Variants in IGF1R observed in about 807,000 individuals in gnomAD.
The protein encoded by IGF1R is insulin like growth factor 1 receptor.
A neutral mutation model predicts 144.6 loss-of-function variants in IGF1R; 44 were observed. The ratio of observed to expected loss-of-function variants is 0.30; its 90% confidence interval spans 0.24 to 0.39. IGF1R has a LOEUF of 0.39. Ranked by LOEUF, IGF1R falls within the 10% of genes least tolerant of loss-of-function variation. IGF1R has a pLI of 1.00. For synonymous variants in IGF1R, 795 were observed against 722.8 expected (o/e 1.10, Z -1.60); for missense variants, 1,355 against 1,833.7 (o/e 0.74, Z 4.77).
At chr15:98,812,210 G>A (rs1036999645) in intron 2 of IGF1R, among the ~76,000 whole-genome samples, 5 of 152,158 alleles carry the variant, frequency 3.3e-5, no homozygotes, top group African/African-American at 1.2e-4. Context: ...GGATGCGGCT[G>A]AAGATTGTGT....
chr15:98,671,484 C>G (rs2052890083), intron 1 of IGF1R, among the ~76,000 whole-genome samples: 2 of 152,230 alleles, frequency 1.3e-5, no homozygotes, highest in South Asian at 2.1e-4. Context: ...ATTATAGGGG[C>G]AAGATTTGTG....
intron 2 of IGF1R, among the ~76,000 whole-genome samples, chr15:98,764,226 T>C (rs1176044413): frequency 6.6e-6 from 1 of 152,254 alleles, no homozygotes; most frequent in East Asian, 1.9e-4. Context: ...GATATAACTT[T>C]TCTCCTTATT....
rs1309750954 is a variant in IGF1R at position 98,944,276 on chromosome 15, A to G, written c.3587+1224A>G. ...CATATCTCTCGGGCAAATTTTACCC[A>G]AATTCTGACGAGCAGTTACTGCACA... is the stretch of plus-strand genomic sequence containing the variant. On this transcript the variant is annotated intron_variant, in intron 19 of 20. Coordinates refer to ENST00000650285, the MANE Select transcript of IGF1R (RefSeq NM_000875.5). 2.6e-5 allele frequency among the ~76,000 whole-genome samples: 4 copies of G among 152,236 alleles called. No homozygotes were observed. The East Asian group carries it at 7.7e-4, about 29-fold the overall frequency.
chr15:98,947,979 A>G (rs1324061891), intron 19 of IGF1R, among the ~76,000 whole-genome samples: 1 of 152,048 alleles, frequency 6.6e-6, no homozygotes, highest in African/African-American at 2.4e-5. Flanking sequence ...GACCAATCAA[A>G]TCAGAGTTTC....
At chr15:98,924,047 C>G (rs1385570218) in intron 12 of IGF1R, 35 bp downstream of exon 12, 1 of 1,603,842 alleles carries the variant, frequency 6.2e-7, no homozygotes, top group Non-Finnish European at 8.5e-7. Flanking sequence ...CCTGCATGTA[C>G]TTCCATCCAT....
chr15:98,674,240 A>G (rs1258317402), intron 1 of IGF1R, among the ~76,000 whole-genome samples: 4 of 152,244 alleles, frequency 2.6e-5, no homozygotes, highest in Non-Finnish European at 5.9e-5. Context: ...TACAGTGGTC[A>G]TGATGGCTTT....
rs535845387 is a variant in IGF1R, at chr15:98,711,378, C to T, written c.640+3271C>T. Among the ~76,000 whole-genome samples, 56 of 152,208 alleles carry T rather than the reference C, an allele frequency of 3.7e-4. 1 individual carries two copies. The highest frequency in any genetic ancestry group is 2.5e-4 in the Non-Finnish European group (17 of 68,024). ...CCTACTCGATTTTGTCGTGCTGTTGCGCGGTTTTCACTTGGCACTGTCCTT... is the reference window on the plus strand; with the variant it reads ...CCTACTCGATTTTGTCGTGCTGTTGTGCGGTTTTCACTTGGCACTGTCCTT... On this transcript the variant is annotated intron_variant, in intron 2 of 20. Coordinates refer to ENST00000650285, the MANE Select transcript of IGF1R (RefSeq NM_000875.5).
At chr15:98,678,083 T>G (rs2053093229) in intron 1 of IGF1R, among the ~76,000 whole-genome samples, 1 of 152,214 alleles carries the variant, frequency 6.6e-6, no homozygotes, top group Admixed American at 6.5e-5. Flanking sequence ...GGGTGATTTA[T>G]TAAGGATGGG....
chr15:98,824,836 C>T (rs2056863125), intron 2 of IGF1R, among the ~76,000 whole-genome samples: 1 of 150,934 alleles, frequency 6.6e-6, no homozygotes, highest in South Asian at 2.1e-4. Flanking sequence ...TTTAACTTTT[C>T]TTCTTCTTTT....
intron 5 of IGF1R, among the ~76,000 whole-genome samples, chr15:98,905,524 C>T (rs924218087): frequency 6.6e-6 from 1 of 151,504 alleles, no homozygotes; most frequent in Non-Finnish European, 1.5e-5. Flanking sequence ...ATTAACCAAG[C>T]ATGGTGGGGC....
chr15:98,905,210 C>T (rs938178865), intron 5 of IGF1R, among the ~76,000 whole-genome samples: 1 of 152,258 alleles, frequency 6.6e-6, no homozygotes, highest in Non-Finnish European at 1.5e-5. Context: ...AGGAAGATAA[C>T]CAACTGTTCC....
chr15:98,892,150 T>C (rs41440750), intron 3 of IGF1R, among the ~76,000 whole-genome samples: 3,059 of 152,276 alleles, frequency 0.02, 94 homozygotes, highest in African/African-American at 0.064. Flanking sequence ...GGGACATTTT[T>C]CCATCAGCAC....
At chr15:98,693,709 G>A (rs2053533339) in intron 1 of IGF1R, among the ~76,000 whole-genome samples, 1 of 152,232 alleles carries the variant, frequency 6.6e-6, no homozygotes, top group Non-Finnish European at 1.5e-5. Context: ...GGGTTCAAGT[G>A]ATTCTTGTGC....
intron 1 of IGF1R, among the ~76,000 whole-genome samples, chr15:98,699,956 CTG>C (rs1470140796): frequency 2.0e-5 from 3 of 152,138 alleles, no homozygotes; most frequent in African/African-American, 7.2e-5. Flanking sequence ...GGATTGCTGT[CTG>C]TGTGAAATGG....
Position 98,934,705 on chromosome 15 carries a change from G to A in IGF1R, c.2957-119G>A. 6 of 833,162 alleles carry A rather than the reference G, an allele frequency of 7.2e-6. 1 individual carries two copies. Among genetic ancestry groups the A allele is most frequent in the Non-Finnish European group, 1.0e-5 (5 of 491,242 alleles). The allele number at this position is 833,162 out of a possible 1,614,324, so 51.6% of individuals were successfully genotyped here. ...CATCAAGCCATGCCATCGCCTCCTG[G>A]TATTCTCTGTGGGTTTAAGGAAGCA... On this transcript the variant is annotated intron_variant, in intron 15 of 20. Transcript: ENST00000650285.
chr15:98,941,346 G>A (rs2715420), intron 18 of IGF1R, among the ~76,000 whole-genome samples: 11 of 152,200 alleles, frequency 7.2e-5, no homozygotes, highest in South Asian at 2.1e-4. Context: ...CCCACTGCGC[G>A]TCACCCTGGG....
At chr15:98,675,332 T>C (rs756975706) in intron 1 of IGF1R, among the ~76,000 whole-genome samples, 1 of 152,190 alleles carries the variant, frequency 6.6e-6, no homozygotes, top group African/African-American at 2.4e-5. Flanking sequence ...GATAAAATTA[T>C]TGTGTATTGT....
rs540499416 is a variant in IGF1R at position 98,914,694 on chromosome 15, A to G, written c.1829-1270A>G. 7.2e-5 allele frequency among the ~76,000 whole-genome samples: 11 copies of G among 152,330 alleles called. No individual in the cohort carries two copies. In the South Asian group the frequency reaches 2.3e-3, roughly 32 times the overall value. On this transcript the variant is annotated intron_variant, in intron 8 of 20. Transcript: ENST00000650285. ...TGCTTATTGTGACAGATTCTCAAGA[A>G]ACCTGTTTCCTTTCCACAAAGATGG...
rs2017268212 is a variant in IGF1R at position 98,962,571 on chromosome 15, C to G, written c.*5129C>G. 8.6e-6 allele frequency: 2 copies of G among 233,678 alleles called. No homozygotes were observed. Among genetic ancestry groups the G allele is most frequent in the East Asian group, 6.0e-5 (1 of 16,604 alleles). 14.5% of individuals were successfully genotyped at this position (233,678 alleles called of 1,614,324 possible). A position where few individuals can be genotyped will look rare whatever the true frequency, so the allele number is the denominator to read the frequency against. On this transcript the variant is annotated 3_prime_UTR_variant, in exon 21 of 21. Transcript: ENST00000650285. ...AGAGGGTTTCATTTTTGGCCTTCAT[C>G]TTAGATGACTGGTTGCGTCATTTGG...
Sources: allele counts gnomAD v4.1 joint callset (sites outside exome capture counted in the v4.1 genomes callset), GRCh38; gene constraint gnomAD v4.1.1; transcripts MANE v1.5; gene names NCBI Gene and HGNC (gene_info 2026-07-23, HGNC 2026-07-21).